The following KLF13 variants were observed in gnomAD, a reference collection of about 807,000 sequenced individuals.
KLF13 encodes Krueppel-like factor 13.
Under a neutral mutation model 16.7 loss-of-function variants are expected in KLF13, and 8 were observed. The observed-to-expected ratio is 0.48, with a 90% confidence interval of 0.28 to 0.87. The LOEUF is 0.87. Among genes scored for constraint, KLF13 ranks in the 40% least tolerant of loss-of-function variants. KLF13 has a pLI of 0.10. For synonymous variants in KLF13, 245 were observed against 208.4 expected (o/e 1.18, Z -1.51); for missense variants, 447 against 452.2 (o/e 0.99, Z 0.10).
intron 1 of KLF13, among the ~76,000 whole-genome samples, chr15:31,345,602 G>A (rs1000381184): frequency 1.3e-5 from 2 of 152,182 alleles, no homozygotes; most frequent in African/African-American, 2.4e-5. Context: ...GAGAAAGCCC[G>A]GGAGGTGTAC....
At chr15:31,395,217 T>G (rs1399588011) in intron 2 of KLF13, among the ~76,000 whole-genome samples, 1 of 152,204 alleles carries the variant, frequency 6.6e-6, no homozygotes, top group East Asian at 1.9e-4. Flanking sequence ...TGACCTCAAG[T>G]GATTTGCCCA....
chr15:31,329,150 G>T (rs1265173696), intron 1 of KLF13, among the ~76,000 whole-genome samples: 1 of 151,904 alleles, frequency 6.6e-6, no homozygotes, highest in East Asian at 1.9e-4. Context: ...GGGGTAGAGG[G>T]TGAGAGCGGG....
chr15:31,327,654 A>G lies in KLF13; in HGVS notation c.442A>G (p.Arg148Gly). Residue 148 changes from arginine to glycine, a missense_variant, in exon 1 of 2, where the codon AGA becomes GGA. Physicochemically the swap from Arg to Gly is moderately radical, Grantham distance 125. Coordinates refer to ENST00000307145, the MANE Select transcript of KLF13 (RefSeq NM_015995.4). Reference sequence around the variant, plus strand: ...CGCGGGGAGCGGCGAGCCCGGCCTCAGACAAAGGGTCCGGCGGGGCCGAAG... The same window carrying G: ...CGCGGGGAGCGGCGAGCCCGGCCTCGGACAAAGGGTCCGGCGGGGCCGAAG... ...GPAGSGEPGL[R>G]QRVRRGRSRA... 2.0e-6 allele frequency: 3 copies of G among 1,473,340 alleles called. No individual in the cohort carries two copies. Among genetic ancestry groups the G allele is most frequent in the Non-Finnish European group, 2.7e-6 (3 of 1,104,220 alleles). The allele number at this position is 1,473,340 out of a possible 1,614,324, so 91.3% of individuals were successfully genotyped here.
downstream of KLF13, among the ~76,000 whole-genome samples, chr15:31,405,088 T>G (rs150945571): frequency 2.1e-4 from 32 of 152,190 alleles, 2 homozygotes; most frequent in African/African-American, 6.7e-4. Flanking sequence ...GTGATGGTAT[T>G]AGGAGGAGGA....
chr15:31,357,787 T>C lies in KLF13; in HGVS notation c.578-14223T>C, dbSNP rs577794695. Among the ~76,000 whole-genome samples, 4 of 152,288 alleles carry C rather than the reference T, an allele frequency of 2.6e-5. No homozygotes were observed. The South Asian group carries it at 8.3e-4, about 32-fold the overall frequency. ...GTGTCCACAGCTGCTTTATCTGATG[T>C]TCAGGTGCCCCCCACCAACTGCACC... On this transcript the variant is annotated intron_variant, in intron 1 of 1. Coordinates refer to ENST00000307145, the MANE Select transcript of KLF13 (RefSeq NM_015995.4).
rs111850736 is a variant in KLF13, at chr15:31,414,532, G to A, written n.118-20838G>A. 2.0e-3 allele frequency among the ~76,000 whole-genome samples: 301 copies of A among 152,224 alleles called. 5 individuals are homozygous for A. Among genetic ancestry groups the A allele is most frequent in the South Asian group, 0.017 (82 of 4,830 alleles). On this transcript the variant is annotated intron_variant and non_coding_transcript_variant, in intron 1 of 1. Coordinates refer to the KLF13 transcript ENST00000558225. ...GATTGACAGTAAAAAGATGGAAAAA[G>A]ATATGTCATGAAAACAGCAACCATA...
intron 1 of KLF13, among the ~76,000 whole-genome samples, chr15:31,419,314 C>G (rs796339572): frequency 2.0e-5 from 3 of 151,942 alleles, no homozygotes; most frequent in Non-Finnish European, 4.4e-5. Context: ...AGGAACTGAC[C>G]TTAAACAAAG....
chr15:31,329,004 C>T (rs977623643), intron 1 of KLF13, among the ~76,000 whole-genome samples: 3 of 152,106 alleles, frequency 2.0e-5, no homozygotes, highest in Admixed American at 6.5e-5. Context: ...GCCTTGGATA[C>T]CCTAGAGCTG....
At chr15:31,411,546 C>A (rs1013030075) in intron 1 of KLF13, among the ~76,000 whole-genome samples, 8 of 151,224 alleles carry the variant, frequency 5.3e-5, no homozygotes, top group African/African-American at 1.9e-4. Flanking sequence ...CAGGCGCCTG[C>A]CACCACACCT....
At chr15:31,348,673 A>G (rs372700603) in intron 1 of KLF13, among the ~76,000 whole-genome samples, 4 of 151,812 alleles carry the variant, frequency 2.6e-5, no homozygotes, top group African/African-American at 9.7e-5. Flanking sequence ...CTTGGGCTCC[A>G]GTGGGGTGTC....
chr15:31,327,638 C>A lies in KLF13; in HGVS notation c.426C>A (p.Ser142Arg), dbSNP rs757124063. ...EPEREPGPAG[S>R]GEPGLRQRVR... ...AGCGGGAGCCGGGGCCCGCGGGGAG[C>A]GGCGAGCCCGGCCTCAGACAAAGGG... The change falls in exon 1 of 2, where the codon AGC becomes AGA. Residue 142 changes from serine to arginine, a missense_variant. Around this residue, in one of 2 missense-constraint regions of KLF13, gnomAD observed 359 missense variants for 282.8 expected, o/e 1.27. Coordinates refer to ENST00000307145, the MANE Select transcript of KLF13 (RefSeq NM_015995.4). 2 of 1,387,840 alleles carry A rather than the reference C, an allele frequency of 1.4e-6. No homozygotes were observed. The highest frequency in any genetic ancestry group is 9.5e-7 in the Non-Finnish European group (1 of 1,055,348). 86.0% of individuals were successfully genotyped at this position (1,387,840 alleles called of 1,614,324 possible).
chr15:31,421,172 T>TA (rs34533073), intron 1 of KLF13, among the ~76,000 whole-genome samples: 16 of 151,796 alleles, frequency 1.1e-4, no homozygotes, highest in African/African-American at 1.7e-4. Flanking sequence ...TTTTGGTTAT[T>TA]AAAAAAAAAT....
chr15:31,366,729 C>CTCACTGCGTGCCCCCCTGTG (rs2039477648), intron 1 of KLF13, among the ~76,000 whole-genome samples: 1 of 150,170 alleles, frequency 6.7e-6, no homozygotes. Flanking sequence ...TGGCCCCTCA[C>CTCACTGCGTGCCCCCCTGTG]CTCACTGTGT....
At chr15:31,331,707 G>T (rs2038837078) in intron 1 of KLF13, among the ~76,000 whole-genome samples, 1 of 152,172 alleles carries the variant, frequency 6.6e-6, no homozygotes, top group Admixed American at 6.5e-5. Context: ...GGCTGCCAGT[G>T]GCCCTAGTTG....
rs1429811929 is a variant in KLF13 at position 31,373,258 on chromosome 15, A to G, written c.*959A>G. 6.6e-6 allele frequency: 1 copy of G among 152,266 alleles called. No individual in the cohort carries two copies. The highest frequency in any genetic ancestry group is 1.5e-5 in the Non-Finnish European group (1 of 68,048). 9.4% of individuals were successfully genotyped at this position (152,266 alleles called of 1,614,324 possible). On this transcript the variant is annotated 3_prime_UTR_variant, in exon 2 of 2. Transcript: ENST00000307145. ...GCCCGCACGGGCACTTTTGTTGGAA[A>G]CAGTGGGCAGGTCATGGGGCCTCCT...
intron 1 of KLF13, among the ~76,000 whole-genome samples, chr15:31,348,799 A>G (rs962607290): frequency 2.0e-5 from 3 of 152,208 alleles, no homozygotes; most frequent in African/African-American, 7.2e-5. Context: ...GTTTATTTTC[A>G]TAGTTCTGGA....
intron 1 of KLF13, among the ~76,000 whole-genome samples, chr15:31,425,372 C>T (rs77122642): frequency 0.016 from 2,399 of 152,248 alleles, 48 homozygotes; most frequent in African/African-American, 0.046. Context: ...TCACACTTCC[C>T]AATTCAAAAT....
chr15:31,404,890 C>T (rs1224763331), downstream of KLF13, among the ~76,000 whole-genome samples: 5 of 152,162 alleles, frequency 3.3e-5, no homozygotes, highest in African/African-American at 1.2e-4. Context: ...AGAGTGGAGC[C>T]TAGGGTCTTC....
At position 31,377,814 on chromosome 15, in the gene KLF13, C is replaced by T. The variant is rs2039674435; in HGVS notation, c.*5515C>T. 1.3e-5 allele frequency: 2 copies of T among 152,670 alleles called. No individual in the cohort carries two copies. The highest frequency in any genetic ancestry group is 4.2e-4 in the South Asian group (2 of 4,818). 9.5% of individuals were successfully genotyped at this position (152,670 alleles called of 1,614,324 possible). The stretch of plus-strand genomic sequence containing the variant: ...TGTCCTATGCAAAAAGAAAAATTAA[C>T]GAAATTGTAAATTTTATTGTTTTAA... On this transcript the variant is annotated 3_prime_UTR_variant, in exon 2 of 2. Transcript: ENST00000307145.
Sources: allele counts gnomAD v4.1 joint callset (sites outside exome capture counted in the v4.1 genomes callset), GRCh38; gene constraint gnomAD v4.1.1; regional missense constraint gnomAD v4.1.1; transcripts MANE v1.5; gene names NCBI Gene and HGNC (gene_info 2026-07-23, HGNC 2026-07-21).